Variants in TMIGD3 observed in about 807,000 individuals in gnomAD.
The protein encoded by TMIGD3 is transmembrane and immunoglobulin domain containing 3, also known as AD026 protein (AD026).
In TMIGD3, 21 loss-of-function variants were observed where a neutral mutation model predicts 28.1. That is an observed-to-expected ratio of 0.75 (90% CI 0.53 to 1.08). The LOEUF (loss-of-function observed/expected upper bound fraction) is 1.08. Among genes scored for constraint, TMIGD3 ranks in the 50% least tolerant of loss-of-function variants. The pLI, the probability that TMIGD3 is intolerant of heterozygous loss-of-function variation, is 0.00. For missense variants in TMIGD3, 416 were observed against 435.6 expected, an observed-to-expected ratio of 0.96 and a Z score of 0.40; for synonymous variants, 151 against 162.1, an observed-to-expected ratio of 0.93 and a Z score of 0.52.
chr1:111,560,278 C>G (rs1330414232), intron 1 of TMIGD3, among the ~76,000 whole-genome samples: 1 of 152,030 alleles, frequency 6.6e-6, no homozygotes, highest in Non-Finnish European at 1.5e-5. Flanking sequence ...CAATCGTTCT[C>G]AGCCTTTTGG....
intron 1 of TMIGD3, among the ~76,000 whole-genome samples, chr1:111,522,152 G>C (rs1557834134): frequency 1.3e-5 from 2 of 152,182 alleles, no homozygotes; most frequent in South Asian, 2.1e-4. Context: ...ACATCATCTT[G>C]ATTGTTGTCA....
chr1:111,504,751 C>T (rs1364097934), upstream of TMIGD3: 1 of 514,452 alleles, frequency 1.9e-6, no homozygotes, highest in Non-Finnish European at 2.5e-6. Flanking sequence ...GACGCCTCTG[C>T]CTGGGGCTCA....
At position 111,503,014 on chromosome 1, in the gene TMIGD3, A is replaced by G. The variant is rs563170958; in HGVS notation, c.341T>C (p.Leu114Pro). The part of the protein sequence containing the change: ...IAVDRYLRVK[L>P]TVRFRIPGLP... ...CCACGCCGCAGGCTACCTGACGGTA[A>G]GCTTGACCCGCAAGTATCGGTCCAC... The change falls in exon 1 of 6, where the codon CTT (leucine) becomes CCT (proline). Residue 114 changes from leucine to proline, a missense_variant. Transcript: ENST00000369716. 1.2e-5 allele frequency: 19 copies of G among 1,613,808 alleles called. No homozygotes were observed. In the East Asian group the frequency reaches 3.8e-4, roughly 32 times the overall value.
At chr1:111,558,019 T>A (rs1284421249) in intron 1 of TMIGD3, among the ~76,000 whole-genome samples, 2 of 151,728 alleles carry the variant, frequency 1.3e-5, no homozygotes, top group Non-Finnish European at 2.9e-5. Context: ...AGGCATAGAA[T>A]CTGAATCCAA....
intron 1 of TMIGD3, among the ~76,000 whole-genome samples, chr1:111,559,422 T>C (rs1440528409): frequency 6.6e-6 from 1 of 152,148 alleles, no homozygotes; most frequent in East Asian, 1.9e-4. Context: ...ACTTAGTGCC[T>C]CCAAAACCAA....
At chr1:111,557,543 C>G (rs1657550396) in intron 1 of TMIGD3, among the ~76,000 whole-genome samples, 2 of 150,356 alleles carry the variant, frequency 1.3e-5, no homozygotes, top group South Asian at 4.2e-4. Flanking sequence ...GAGTGAGACT[C>G]CATTAAAAAA....
intron 1 of TMIGD3, among the ~76,000 whole-genome samples, chr1:111,557,043 A>G (rs1034499398): frequency 1.3e-5 from 2 of 152,142 alleles, no homozygotes; most frequent in Non-Finnish European, 2.9e-5. Flanking sequence ...AAACAAATAC[A>G]TATCTAGACA....
upstream of TMIGD3, among the ~76,000 whole-genome samples, chr1:111,507,009 A>ATGTGTGTG (rs1257817741): frequency 7.6e-6 from 1 of 132,180 alleles, no homozygotes; most frequent in African/African-American, 2.9e-5. Flanking sequence ...ACACACACAT[A>ATGTGTGTG]TGTGTGTGTG....
At chr1:111,545,513 C>T (rs757718290) in intron 1 of TMIGD3, among the ~76,000 whole-genome samples, 1 of 152,014 alleles carries the variant, frequency 6.6e-6, no homozygotes, top group Non-Finnish European at 1.5e-5. Flanking sequence ...TTTATGTATT[C>T]TGGCTACTAG....
At chr1:111,498,529 T>C (rs972666039) in intron 1 of TMIGD3, among the ~76,000 whole-genome samples, 3 of 152,218 alleles carry the variant, frequency 2.0e-5, no homozygotes, top group Admixed American at 6.5e-5. Flanking sequence ...TAATATGAGC[T>C]TGAAAGTTTG....
chr1:111,521,895 T>C (rs1054970380), intron 1 of TMIGD3, among the ~76,000 whole-genome samples: 2 of 152,236 alleles, frequency 1.3e-5, no homozygotes, highest in African/African-American at 4.8e-5. Flanking sequence ...TTTAGTCTTA[T>C]ATTCAAGTCA....
At chr1:111,521,001 T>A (rs1224301716) in intron 1 of TMIGD3, among the ~76,000 whole-genome samples, 3 of 107,946 alleles carry the variant, frequency 2.8e-5, no homozygotes, top group South Asian at 3.0e-4. Flanking sequence ...TTGTAATCCC[T>A]CCCTCCCACC....
At chr1:111,485,132 A>G (rs1372782954) in intron 5 of TMIGD3, among the ~76,000 whole-genome samples, 1 of 152,188 alleles carries the variant, frequency 6.6e-6, no homozygotes, top group South Asian at 2.1e-4. Context: ...TGGAGGTTGC[A>G]GTGAGCTGAG....
intron 2 of TMIGD3, 74 bp from the exon 3 acceptor site, chr1:111,489,098 GCC>G: frequency 7.2e-7 from 1 of 1,382,888 alleles, no homozygotes; most frequent in Non-Finnish European, 1.0e-6. Flanking sequence ...TGCAGCTCCT[GCC>G]CTCCTGAAGG....
At chr1:111,552,851 C>T (rs1657324161) in intron 1 of TMIGD3, among the ~76,000 whole-genome samples, 1 of 152,182 alleles carries the variant, frequency 6.6e-6, no homozygotes, top group Non-Finnish European at 1.5e-5. Context: ...TGAGTTAACA[C>T]TTGTCAAGTG....
At chr1:111,499,534 A>G in intron 1 of TMIGD3, 7 of 1,001,870 alleles carry the variant, frequency 7.0e-6, no homozygotes, top group Non-Finnish European at 8.3e-6. Context: ...TCTCCTAGGC[A>G]TCCTCCGAGA....
chr1:111,497,353 G>A (rs1364977251), intron 1 of TMIGD3, among the ~76,000 whole-genome samples: 8 of 151,966 alleles, frequency 5.3e-5, no homozygotes, highest in Non-Finnish European at 1.0e-4. Context: ...CTCGTGATCC[G>A]CCCACCTCGG....
At chr1:111,506,177 A>C (rs796247576), upstream of TMIGD3, among the ~76,000 whole-genome samples, 4 of 152,300 alleles carry the variant, frequency 2.6e-5, no homozygotes, top group African/African-American at 9.6e-5. Context: ...TTAGCCTGTA[A>C]GTTCCTGGAG....
intron 1 of TMIGD3, among the ~76,000 whole-genome samples, chr1:111,558,309 C>T (rs986609129): frequency 4.0e-5 from 6 of 151,798 alleles, no homozygotes; most frequent in South Asian, 4.2e-4. Context: ...CCCTGAGTAG[C>T]GAGGACTACA....
Sources: allele counts gnomAD v4.1 joint callset (sites outside exome capture counted in the v4.1 genomes callset), GRCh38; gene constraint gnomAD v4.1.1; transcripts MANE v1.5; gene names NCBI Gene and HGNC (gene_info 2026-07-23, HGNC 2026-07-21).